The following CHODL variants were observed in gnomAD, a reference collection of about 807,000 sequenced individuals.
CHODL encodes chondrolectin.
CHODL carries 29 observed loss-of-function variants against 34.5 expected under a neutral mutation model. The observed-to-expected ratio is 0.84, with a 90% CI of 0.63 to 1.15. The LOEUF is 1.15. Ranked by LOEUF, CHODL falls within the 50% of genes most tolerant of loss-of-function variation. The probability of loss-of-function intolerance (pLI) is 0.00; values close to 1 mark genes in which losing one functional copy is unlikely to be tolerated. For missense variants in CHODL, 332 were observed against 332.5 expected (o/e 1.00, Z 0.01); for synonymous variants, 125 against 116.1 (o/e 1.08, Z -0.49).
At chr21:18,115,856 C>T (rs1335564036) in intron 2 of CHODL, among the ~76,000 whole-genome samples, 1 of 152,150 alleles carries the variant, frequency 6.6e-6, no homozygotes, top group Non-Finnish European at 1.5e-5. Flanking sequence ...GAGATGATCC[C>T]TGTGTCTTTT....
intron 2 of CHODL, among the ~76,000 whole-genome samples, chr21:18,034,899 G>T (rs1381855388): frequency 6.6e-6 from 1 of 151,940 alleles, no homozygotes. Context: ...CTTGTTAAGG[G>T]AGTTCAGAGA....
intron 2 of CHODL, among the ~76,000 whole-genome samples, chr21:18,106,989 C>T (rs899786926): frequency 3.3e-5 from 5 of 152,158 alleles, no homozygotes; most frequent in African/African-American, 1.2e-4. Flanking sequence ...CCTTTTATTT[C>T]CTGCCCTAGA....
intron 1 of CHODL, among the ~76,000 whole-genome samples, chr21:18,252,975 G>C (rs552230404): frequency 2.0e-5 from 3 of 152,120 alleles, no homozygotes; most frequent in Admixed American, 2.0e-4. Flanking sequence ...AGCACTGATT[G>C]TTAGTTATTT....
intron 1 of CHODL, among the ~76,000 whole-genome samples, chr21:17,950,537 T>C (rs201824156): frequency 0.097 from 4,265 of 43,932 alleles, 104 homozygotes; most frequent in East Asian, 0.35. Flanking sequence ...CACACACACT[T>C]CTTTAAAGCC....
chr21:17,980,091 CTTT>C (rs59630058), intron 1 of CHODL, among the ~76,000 whole-genome samples: 10 of 134,894 alleles, frequency 7.4e-5, no homozygotes, highest in Admixed American at 7.5e-5. Context: ...TAAATTCATC[CTTT>C]TTTTTTTTTT....
chr21:18,073,772 TATA>T (rs2064833142), intron 2 of CHODL, among the ~76,000 whole-genome samples: 1 of 152,062 alleles, frequency 6.6e-6, no homozygotes, highest in Non-Finnish European at 1.5e-5. Context: ...CCTCAAAATA[TATA>T]ATGTGTTTAT....
chr21:18,153,434 A>T (rs1186288685), intron 2 of CHODL, among the ~76,000 whole-genome samples: 1 of 152,170 alleles, frequency 6.6e-6, no homozygotes, highest in Non-Finnish European at 1.5e-5. Flanking sequence ...AAATGACAGG[A>T]TGAGTCATTC....
At chr21:18,091,898 T>A (rs2065078825) in intron 2 of CHODL, among the ~76,000 whole-genome samples, 1 of 152,070 alleles carries the variant, frequency 6.6e-6, no homozygotes, top group Admixed American at 6.5e-5. Flanking sequence ...TGGGAAGGAC[T>A]TTGTATTGTG....
At position 18,038,132 on chromosome 21, in the gene CHODL, G is replaced by C. The variant is rs371450553; in HGVS notation, c.-45+10161G>C. Among the ~76,000 whole-genome samples the C allele has an allele frequency of 7.3e-5, 11 of 151,198 alleles. 1 individual carries two copies. In the Admixed American group the frequency reaches 7.3e-4, roughly 10 times the overall value. ...CCAAAAGAATGATTTTTTTAGAAAA[G>C]ACTAGCCTCAGACTTCTCTTTAGTA... On this transcript the variant is annotated intron_variant, in intron 2 of 6. Coordinates refer to the CHODL transcript ENST00000400127.
Position 18,222,569 on chromosome 21 carries a change from TG to T in CHODL, c.-44-33937del, listed in dbSNP as rs796509922. 2.4e-4 allele frequency among the ~76,000 whole-genome samples: 37 copies of T among 151,982 alleles called. 1 individual carries two copies. The highest frequency in any genetic ancestry group is 8.7e-4 in the African/African-American group (36 of 41,460). Reference sequence around the variant, plus strand: ...TGGCTTGGGCTGCAGCTGTCTGTGGTGGGAATGTGGACTGCTGAAGACCTCT... The same window carrying T: ...TGGCTTGGGCTGCAGCTGTCTGTGGTGGAATGTGGACTGCTGAAGACCTCT... On this transcript the variant is annotated intron_variant, in intron 2 of 6. Coordinates refer to the CHODL transcript ENST00000400127.
intron 2 of CHODL, among the ~76,000 whole-genome samples, chr21:18,144,536 C>G (rs1324629735): frequency 6.6e-6 from 1 of 152,128 alleles, no homozygotes. Flanking sequence ...TCAGTAAGTG[C>G]TTACCTTGAA....
At chr21:17,952,456 C>A (rs12626848) in intron 1 of CHODL, among the ~76,000 whole-genome samples, 2 of 151,312 alleles carry the variant, frequency 1.3e-5, no homozygotes, top group African/African-American at 4.9e-5. Context: ...AAGTGCTGAA[C>A]GAAAAATTAC....
chr21:18,217,784 A>G (rs1372645687), intron 2 of CHODL, among the ~76,000 whole-genome samples: 1 of 152,154 alleles, frequency 6.6e-6, no homozygotes, highest in Non-Finnish European at 1.5e-5. Flanking sequence ...CCTAGATACA[A>G]TGGGGTACAG....
intron 2 of CHODL, among the ~76,000 whole-genome samples, chr21:18,071,666 T>G (rs184717446): frequency 7.7e-4 from 118 of 152,330 alleles, no homozygotes; most frequent in Admixed American, 3.5e-3. Flanking sequence ...AACTCCAAGG[T>G]GCAGATGGAT....
At chr21:18,251,519 A>ATTATATAATTAAATATT (rs1357324149) in intron 1 of CHODL, among the ~76,000 whole-genome samples, 1 of 94,556 alleles carries the variant, frequency 1.1e-5, no homozygotes, top group Non-Finnish European at 1.8e-5. Context: ...AATATATAAA[A>ATTATATAATTAAATATT]TATTTATTTT....
intron 2 of CHODL, among the ~76,000 whole-genome samples, chr21:18,129,083 A>G (rs572335342): frequency 4.6e-5 from 7 of 151,564 alleles, no homozygotes; most frequent in Non-Finnish European, 8.8e-5. Flanking sequence ...TTTATATTTT[A>G]TTGGATTTTT....
At chr21:18,174,583 T>C (rs868626806) in intron 2 of CHODL, among the ~76,000 whole-genome samples, 25 of 152,266 alleles carry the variant, frequency 1.6e-4, no homozygotes, top group Middle Eastern at 3.4e-3. Context: ...CTTTTGGAGA[T>C]AACTAATGGA....
At chr21:17,934,537 TC>T (rs1264303641) in intron 1 of CHODL, among the ~76,000 whole-genome samples, 1 of 152,172 alleles carries the variant, frequency 6.6e-6, no homozygotes, top group African/African-American at 2.4e-5. Flanking sequence ...CCATTGTTAT[TC>T]AAGCCATTGT....
intron 2 of CHODL, among the ~76,000 whole-genome samples, chr21:18,223,532 T>G (rs2073903682): frequency 6.6e-6 from 1 of 151,976 alleles, no homozygotes; most frequent in African/African-American, 2.4e-5. Flanking sequence ...TTTTGAAGGG[T>G]CAGACTGCAT....
Sources: allele counts gnomAD v4.1 joint callset (sites outside exome capture counted in the v4.1 genomes callset), GRCh38; gene constraint gnomAD v4.1.1; transcripts MANE v1.5; gene names NCBI Gene and HGNC (gene_info 2026-07-23, HGNC 2026-07-21).